The following DIP2A variants were observed in gnomAD, a reference collection of about 807,000 sequenced individuals.
DIP2A encodes the protein DIP2 acetate--CoA ligase A, also known as disco-interacting protein 2 homolog A.
DIP2A carries 85 observed loss-of-function variants against 177.4 expected under a neutral mutation model. The observed-to-expected ratio is 0.48, with a 90% confidence interval of 0.40 to 0.57. The LOEUF (loss-of-function observed/expected upper bound fraction) is 0.57, where lower values mean the gene tolerates loss of function less well. Ranked by LOEUF, DIP2A falls within the 20% of genes least tolerant of loss-of-function variation. DIP2A has a pLI of 0.00. For missense variants in DIP2A, 1,791 were observed against 2,100.2 expected (o/e 0.85, Z 2.88); for synonymous variants, 886 against 881.8 (o/e 1.00, Z -0.08).
chr21:46,472,846 G>A (rs1043683990), intron 1 of DIP2A, among the ~76,000 whole-genome samples: 5 of 152,138 alleles, frequency 3.3e-5, no homozygotes, highest in Middle Eastern at 3.2e-3. Context: ...AGGCAGGAGG[G>A]GTGCTGGTAC....
intron 1 of DIP2A, among the ~76,000 whole-genome samples, chr21:46,477,721 G>A (rs2056024245): frequency 6.7e-6 from 1 of 149,304 alleles, no homozygotes; most frequent in South Asian, 2.1e-4. Context: ...TTACAGGAAC[G>A]CACCATCACA....
chr21:46,524,872 C>CTTTTTTTTTTTTTTTTTTTTTTTTTT (rs3061062), intron 8 of DIP2A, among the ~76,000 whole-genome samples: 6 of 63,404 alleles, frequency 9.5e-5, no homozygotes, highest in Non-Finnish European at 1.7e-4. Context: ...TTGCTTTTTG[C>CTTTTTTTTTTTTTTTTTTTTTTTTTT]TTTTTTTTTT....
At chr21:46,525,107 G>A (rs1418834932) in intron 8 of DIP2A, among the ~76,000 whole-genome samples, 2 of 151,694 alleles carry the variant, frequency 1.3e-5, no homozygotes, top group Admixed American at 6.6e-5. Context: ...GGCTGGTCTC[G>A]AACTCCTGAC....
At chr21:46,531,090 A>G (rs1427855058) in intron 9 of DIP2A, among the ~76,000 whole-genome samples, 1 of 152,062 alleles carries the variant, frequency 6.6e-6, no homozygotes, top group Admixed American at 6.6e-5. Flanking sequence ...AGTAGGGTGC[A>G]AGCAGGAGGA....
At chr21:46,524,555 T>G (rs1032597639) in intron 8 of DIP2A, among the ~76,000 whole-genome samples, 8 of 152,172 alleles carry the variant, frequency 5.3e-5, no homozygotes, top group African/African-American at 1.9e-4. Context: ...GGGATCCTAT[T>G]CCAGACCCCA....
At chr21:46,495,608 C>T (rs1029002127) in intron 3 of DIP2A, among the ~76,000 whole-genome samples, 3 of 151,738 alleles carry the variant, frequency 2.0e-5, no homozygotes, top group Admixed American at 6.6e-5. Flanking sequence ...CCTTTCTTTC[C>T]TTCTTTTTCT....
intron 11 of DIP2A, 42 bp from the exon 12 acceptor site, chr21:46,533,962 C>T: frequency 6.4e-7 from 1 of 1,551,686 alleles, no homozygotes; most frequent in Non-Finnish European, 8.8e-7. Flanking sequence ...GAGCAGATGC[C>T]TCTGACTGCT....
chr21:46,572,407 T>TA (rs2060974988), downstream of DIP2A, among the ~76,000 whole-genome samples: 1 of 152,186 alleles, frequency 6.6e-6, no homozygotes, highest in Non-Finnish European at 1.5e-5. Flanking sequence ...CCAAAATAAC[T>TA]TTGAGTTCTA....
chr21:46,529,597 C>T (rs2059269120), intron 9 of DIP2A, among the ~76,000 whole-genome samples: 1 of 146,648 alleles, frequency 6.8e-6, no homozygotes, highest in Admixed American at 6.8e-5. Context: ...GAGACTCCGT[C>T]TCAAAGAGAA....
intron 3 of DIP2A, 60 bp downstream of exon 3, chr21:46,490,779 C>T: frequency 2.7e-6 from 4 of 1,475,024 alleles, no homozygotes; most frequent in Non-Finnish European, 3.6e-6. Flanking sequence ...TGGACTCTTG[C>T]CATGAAGTCT....
At chr21:46,464,415 T>C (rs1264413131) in intron 1 of DIP2A, among the ~76,000 whole-genome samples, 1 of 152,156 alleles carries the variant, frequency 6.6e-6, no homozygotes, top group Non-Finnish European at 1.5e-5. Context: ...AACGTTCTCA[T>C]GTTCAGATTC....
intron 21 of DIP2A, among the ~76,000 whole-genome samples, chr21:46,547,787 C>T (rs1184398994): frequency 2.6e-5 from 4 of 151,446 alleles, no homozygotes; most frequent in African/African-American, 9.7e-5. Context: ...CCTCTTACCG[C>T]ACCTCCTGAG....
At chr21:46,582,603 C>T in the DIP2A span, among the ~76,000 whole-genome samples, 2 of 152,310 alleles carry the variant, frequency 1.3e-5, no homozygotes, top group East Asian at 3.9e-4. Flanking sequence ...CATCGCTCCA[C>T]CCTGCTTTTC....
chr21:46,560,621 T>C (rs1353485658), intron 32 of DIP2A, 101 bp from the exon 33 acceptor site: 16 of 1,494,524 alleles, frequency 1.1e-5, no homozygotes, highest in Non-Finnish European at 1.4e-5. Context: ...TTCTTGGGTG[T>C]CCCCGGGGGC....
intron 8 of DIP2A, among the ~76,000 whole-genome samples, chr21:46,514,525 A>G (rs762835105): frequency 3.8e-4 from 57 of 150,144 alleles, no homozygotes; most frequent in Non-Finnish European, 6.5e-4. Context: ...AAGTTTGTCT[A>G]TATATCTTTT....
intron 16 of DIP2A, 133 bp from the exon 17 acceptor site, chr21:46,539,744 G>A (rs1197753644): frequency 1.3e-6 from 1 of 756,758 alleles, no homozygotes; most frequent in East Asian, 2.5e-5. Flanking sequence ...CTGTGAAGGG[G>A]CCCCTTCCTT....
intron 8 of DIP2A, among the ~76,000 whole-genome samples, chr21:46,516,043 C>T (rs1297724131): frequency 1.3e-5 from 2 of 152,130 alleles, no homozygotes; most frequent in Non-Finnish European, 2.9e-5. Context: ...CTTCTTTCAG[C>T]AATGCAAAGA....
At chr21:46,555,850 C>T in intron 28 of DIP2A, 132 bp from the exon 29 acceptor site, 2 of 743,772 alleles carry the variant, frequency 2.7e-6, no homozygotes, top group East Asian at 5.1e-5. Context: ...CGTCACGGCC[C>T]CACTCCCGTC....
chr21:46,496,031 C>CT (rs2057340164), intron 3 of DIP2A, among the ~76,000 whole-genome samples: 1 of 151,782 alleles, frequency 6.6e-6, no homozygotes, highest in African/African-American at 2.4e-5. Context: ...GAGATCACGC[C>CT]ATTGCATTCT....
Sources: allele counts gnomAD v4.1 joint callset (sites outside exome capture counted in the v4.1 genomes callset), GRCh38; gene constraint gnomAD v4.1.1; transcripts MANE v1.5; gene names NCBI Gene and HGNC (gene_info 2026-07-23, HGNC 2026-07-21).